Variants in SMAD1 observed in about 807,000 individuals in gnomAD.
SMAD1 encodes SMAD family member 1.
In SMAD1, 6 loss-of-function variants were observed where a neutral mutation model predicts 41.6. That is an observed-to-expected ratio of 0.14 (90% CI 0.08 to 0.28). SMAD1 has a LOEUF of 0.28. Ranked by LOEUF, SMAD1 falls within the 10% of genes least tolerant of loss-of-function variation. The pLI is 1.00. For synonymous variants in SMAD1, 206 were observed against 203.2 expected, an observed-to-expected ratio of 1.01 and a Z score of -0.12; for missense variants, 379 against 582.6, an observed-to-expected ratio of 0.65 and a Z score of 3.60.
chr4:145,522,957 G>A lies in SMAD1; in HGVS notation c.400+7944G>A, dbSNP rs560655812. On this transcript the variant is annotated intron_variant, in intron 2 of 6. Coordinates refer to ENST00000302085, the MANE Select transcript of SMAD1 (RefSeq NM_005900.3). The stretch of plus-strand genomic sequence containing the variant: ...CTCCCAAAGTGCTGGGATTACAGGC[G>A]TGAGCCACCGTGCCTGGCTGTGAAT... 2.9e-3 allele frequency among the ~76,000 whole-genome samples: 439 copies of A among 152,222 alleles called. 1 individual carries two copies. Among genetic ancestry groups the A allele is most frequent in the African/African-American group, 0.01 (418 of 41,538 alleles).
intron 1 of SMAD1, chr4:145,497,413 A>T (rs1432041130): frequency 1.3e-5 from 2 of 152,162 alleles, no homozygotes; most frequent in Admixed American, 1.3e-4. Flanking sequence ...GTACCATATG[A>T]TATGGTTCTC....
chr4:145,483,922 G>A (rs936046501), intron 1 of SMAD1, among the ~76,000 whole-genome samples: 2 of 152,158 alleles, frequency 1.3e-5, no homozygotes, highest in Admixed American at 1.3e-4. Context: ...GTGTTTTAGA[G>A]AAATGACAAT....
intron 2 of SMAD1, among the ~76,000 whole-genome samples, chr4:145,538,485 A>T (rs964740165): frequency 2.0e-5 from 3 of 152,216 alleles, no homozygotes; most frequent in Non-Finnish European, 2.9e-5. Flanking sequence ...AGAAATTTTA[A>T]TACTTTTTTA....
intron 6 of SMAD1, among the ~76,000 whole-genome samples, chr4:145,555,079 GTGTTTGTT>G (rs892511542): frequency 2.6e-5 from 4 of 152,088 alleles, no homozygotes; most frequent in African/African-American, 9.6e-5. Context: ...TTGTTTTTGT[GTGTTTGTT>G]TGTTTGTTTG....
At chr4:145,502,836 G>T (rs1729526217) in intron 1 of SMAD1, 1 of 152,154 alleles carries the variant, frequency 6.6e-6, no homozygotes, top group Non-Finnish European at 1.5e-5. Context: ...CAGTCTACAT[G>T]GTATTCCTTT....
chr4:145,508,259 C>A (rs990770405), intron 1 of SMAD1, among the ~76,000 whole-genome samples: 3 of 152,042 alleles, frequency 2.0e-5, no homozygotes, highest in African/African-American at 7.2e-5. Flanking sequence ...CTTGTATCAT[C>A]ATCTCCAGCG....
Position 145,514,205 on chromosome 4 carries a change from C to G in SMAD1, c.-176-233C>G, listed in dbSNP as rs977849444. Among the ~76,000 whole-genome samples the G allele has an allele frequency of 4.7e-5, 7 of 148,444 alleles. No homozygotes were observed. Among genetic ancestry groups the G allele is most frequent in the African/African-American group, 1.8e-4 (7 of 38,304 alleles). ...GACCACCAGTCCTATCAGGTTAGGG[C>G]CCCACCCTGATGACCTTACTTAACT... On this transcript the variant is annotated intron_variant, in intron 1 of 6. Coordinates refer to ENST00000302085, the MANE Select transcript of SMAD1 (RefSeq NM_005900.3). This position sits in a 1 kb window ranked among gnomAD's most constrained non-coding sequence, Gnocchi z 4.7.
In SMAD1 at chr4:145,553,921, A is replaced by G. The variant is rs1367670594; in HGVS notation, c.1135A>G (p.Ser379Gly). 4.3e-6 allele frequency: 7 copies of G among 1,614,150 alleles called. No individual in the cohort carries two copies. The highest frequency in any genetic ancestry group is 2.2e-5 in the East Asian group (1 of 44,878). Residue 379 changes from serine (S) to glycine (G), a missense_variant, in exon 6 of 7, where the codon AGT becomes GGT. Coordinates refer to ENST00000302085, the MANE Select transcript of SMAD1 (RefSeq NM_005900.3). Reference sequence around the variant, plus strand: ...TGTTTGCAAGATCCCTAGTGGGTGTAGTCTGAAAATTTTTAACAACCAAGA... The same window carrying G: ...TGTTTGCAAGATCCCTAGTGGGTGTGGTCTGAAAATTTTTAACAACCAAGA... ...TTVCKIPSGCSLKIFNNQEFA... is the reference protein window; with the variant it reads ...TTVCKIPSGCGLKIFNNQEFA...
At chr4:145,544,952 T>C in intron 4 of SMAD1, 1 of 151,444 alleles carries the variant, frequency 6.6e-6, no homozygotes, top group African/African-American at 2.5e-5. Context: ...GCTTTAAGAT[T>C]TTTTTCATTT....
chr4:145,515,460 A>C (rs1358933458), intron 2 of SMAD1, among the ~76,000 whole-genome samples: 1 of 152,164 alleles, frequency 6.6e-6, no homozygotes, highest in Non-Finnish European at 1.5e-5. Context: ...GAAGTACATC[A>C]TGAGGGTAGT....
intron 2 of SMAD1, among the ~76,000 whole-genome samples, chr4:145,522,549 A>T (rs1730803054): frequency 2.0e-5 from 3 of 152,170 alleles, no homozygotes; most frequent in Non-Finnish European, 1.5e-5. Flanking sequence ...TGGTGAGCCA[A>T]GATTGTGTCA....
At chr4:145,524,150 C>T (rs766901054) in intron 2 of SMAD1, among the ~76,000 whole-genome samples, 3 of 152,078 alleles carry the variant, frequency 2.0e-5, no homozygotes, top group East Asian at 1.9e-4. Flanking sequence ...AGACAGTGAA[C>T]GCTTTCCAGG....
intron 1 of SMAD1, chr4:145,497,426 A>G (rs1205177322): frequency 6.6e-6 from 1 of 152,164 alleles, no homozygotes; most frequent in Non-Finnish European, 1.5e-5. Flanking sequence ...TGGTTCTCCC[A>G]TCTCTCCCAT....
chr4:145,529,737 C>G (rs1206783231), intron 2 of SMAD1, among the ~76,000 whole-genome samples: 1 of 152,154 alleles, frequency 6.6e-6, no homozygotes, highest in Non-Finnish European at 1.5e-5. Flanking sequence ...AGAAATTTGA[C>G]TTAAGATGAG....
At chr4:145,493,044 T>C (rs1728857594) in intron 1 of SMAD1, among the ~76,000 whole-genome samples, 1 of 152,212 alleles carries the variant, frequency 6.6e-6, no homozygotes, top group African/African-American at 2.4e-5. Flanking sequence ...CCTGCAAACA[T>C]TTTAAAGTTG....
chr4:145,485,762 C>T (rs1006196539), intron 1 of SMAD1, among the ~76,000 whole-genome samples: 1 of 152,100 alleles, frequency 6.6e-6, no homozygotes, highest in Non-Finnish European at 1.5e-5. Flanking sequence ...TGGTTTAGAG[C>T]CTTAGAGAGA....
At chr4:145,505,574 G>T (rs1267806720) in intron 1 of SMAD1, among the ~76,000 whole-genome samples, 1 of 150,408 alleles carries the variant, frequency 6.6e-6, no homozygotes, top group Non-Finnish European at 1.5e-5. Flanking sequence ...AGCCGAGATC[G>T]CGCCACTGCA....
chr4:145,487,499 A>G (rs1007199662), intron 1 of SMAD1, among the ~76,000 whole-genome samples: 2 of 152,154 alleles, frequency 1.3e-5, no homozygotes, highest in African/African-American at 2.4e-5. Flanking sequence ...TCTTTGCCCC[A>G]ATCTGAAACC....
At chr4:145,499,481 C>T (rs1421156608) in intron 1 of SMAD1, among the ~76,000 whole-genome samples, 4 of 152,054 alleles carry the variant, frequency 2.6e-5, no homozygotes, top group Admixed American at 6.5e-5. Flanking sequence ...ATTAGCCAGG[C>T]GAGATGGCAC....
Sources: allele counts gnomAD v4.1 joint callset (sites outside exome capture counted in the v4.1 genomes callset), GRCh38; gene constraint gnomAD v4.1.1; non-coding constraint Gnocchi (gnomAD v3.1); transcripts MANE v1.5; gene names NCBI Gene and HGNC (gene_info 2026-07-23, HGNC 2026-07-21).